Variants in CDHR1 observed in about 807,000 individuals in gnomAD.
CDHR1 encodes cadherin-related family member 1.
CDHR1 carries 61 observed loss-of-function variants against 72.1 expected under a neutral mutation model. The observed-to-expected ratio is 0.85, with a 90% CI of 0.69 to 1.05. The LOEUF is 1.05. CDHR1 is among the 50% of genes least tolerant of loss of function. The pLI, the probability that CDHR1 is intolerant of heterozygous loss-of-function variation, is 0.00. For missense variants in CDHR1, 1,186 were observed against 1,115.7 expected (o/e 1.06, Z -0.90); for synonymous variants, 470 against 448.1 (o/e 1.05, Z -0.62).
chr10:84,211,226 T>A (rs1222620659), intron 13 of CDHR1, 61 bp downstream of exon 13: 5 of 1,569,210 alleles, frequency 3.2e-6, no homozygotes, highest in Non-Finnish European at 3.5e-6. Flanking sequence ...GCCAGACAAA[T>A]CTGGAAGGTC....
At position 84,216,176 on chromosome 10, in the gene CDHR1, T is replaced by A; in HGVS notation, c.*1555T>A. The A allele has an allele frequency of 1.0e-6, 1 of 985,492 alleles. No individual in the cohort carries two copies. The highest frequency in any genetic ancestry group is 1.2e-6 in the Non-Finnish European group (1 of 829,942). 61.0% of individuals were successfully genotyped at this position (985,492 alleles called of 1,614,324 possible). ...TAGAACAGTTCTTTGCATTTGGCTC[T>A]ACTTACTAACAACCCCTCTAGAATA... On this transcript the variant is annotated 3_prime_UTR_variant, in exon 17 of 17. Coordinates refer to ENST00000623527, the MANE Select transcript of CDHR1 (RefSeq NM_033100.4).
chr10:84,201,925 C>A lies in CDHR1; in HGVS notation c.639+5C>A. ...TACATCACCGTGGTCGCCAAGGTAACACAGCAGGACAGGGGAGCATCCAGT... is the reference window on the plus strand; with the variant it reads ...TACATCACCGTGGTCGCCAAGGTAAAACAGCAGGACAGGGGAGCATCCAGT... On this transcript the variant is annotated splice_donor_5th_base_variant and intron_variant, in intron 7 of 16. Transcript: ENST00000623527. 6.3e-7 allele frequency: 1 copy of A among 1,594,962 alleles called. No individual in the cohort carries two copies. The highest frequency in any genetic ancestry group is 8.5e-7 in the Non-Finnish European group (1 of 1,172,616).
Position 84,215,232 on chromosome 10 carries a change from T to C in CDHR1, c.*611T>C. ...GCATTTGGAAAGATAGAGCATTCTG[T>C]CTGGGCAGAGACTGTGGACCCTGGT... is the stretch of plus-strand genomic sequence containing the variant. On this transcript the variant is annotated 3_prime_UTR_variant, in exon 17 of 17. Transcript: ENST00000623527. The C allele has an allele frequency of 1.0e-6, 1 of 993,252 alleles. No homozygotes were observed. Among genetic ancestry groups the C allele is most frequent in the Non-Finnish European group, 1.2e-6 (1 of 834,536 alleles). 61.5% of individuals were successfully genotyped at this position (993,252 alleles called of 1,614,324 possible).
chr10:84,211,766 G>A (rs886995209), intron 14 of CDHR1, 51 bp downstream of exon 14: 20 of 1,507,854 alleles, frequency 1.3e-5, no homozygotes, highest in Non-Finnish European at 1.7e-5. Flanking sequence ...GGATTGGAAG[G>A]CTGAGGGTGG....
chr10:84,199,237 C>T (rs979288325), intron 5 of CDHR1, 116 bp downstream of exon 5: 7 of 778,262 alleles, frequency 9.0e-6, no homozygotes, highest in Non-Finnish European at 1.6e-5. Flanking sequence ...TCTCTGTCAC[C>T]ACCTGCTCCC....
At position 84,199,081 on chromosome 10, in the gene CDHR1, C is replaced by G. The variant is rs1842078572; in HGVS notation, c.398C>G (p.Pro133Arg). The G allele has an allele frequency of 6.4e-7, 1 of 1,551,388 alleles. No homozygotes were observed. The highest frequency in any genetic ancestry group is 8.7e-7 in the Non-Finnish European group (1 of 1,147,014). ...GTGACCGATGCCAATGATGAGGCGC[C>G]CAGGTTCATCCAGGAGCCTTATGTT... ...ILVTDANDEA[P>R]RFIQEPYVAL... The change falls in exon 5 of 17, where the codon CCC (proline) becomes CGC (arginine). Residue 133 changes from proline (P) to arginine (R), a missense_variant. Coordinates refer to ENST00000623527, the MANE Select transcript of CDHR1 (RefSeq NM_033100.4).
At position 84,214,695 on chromosome 10, in the gene CDHR1, T is replaced by C. The variant is rs1842399978; in HGVS notation, c.*74T>C. The C allele has an allele frequency of 1.3e-6, 2 of 1,583,706 alleles. No individual in the cohort carries two copies. The highest frequency in any genetic ancestry group is 3.4e-5 in the Admixed American group (2 of 58,790). ...CCCTGCTGCTCGGACTATGCTCCCC[T>C]TCCTCTGCTCCTTAAGGTCACTGAC... On this transcript the variant is annotated 3_prime_UTR_variant, in exon 17 of 17. Coordinates refer to ENST00000623527, the MANE Select transcript of CDHR1 (RefSeq NM_033100.4).
At chr10:84,206,054 AGCACCT>A in intron 10 of CDHR1, 127 bp downstream of exon 10, 1 of 734,642 alleles carries the variant, frequency 1.4e-6, no homozygotes. Context: ...TGTTCTAAAG[AGCACCT>A]GCACCAGACA....
rs1266038629 is a variant in CDHR1, at chr10:84,217,001, C to T, written c.*2380C>T. 1 of 985,580 alleles carries T rather than the reference C, an allele frequency of 1.0e-6. No individual in the cohort carries two copies. Among genetic ancestry groups the T allele is most frequent in the Non-Finnish European group, 1.2e-6 (1 of 830,034 alleles). 61.1% of individuals were successfully genotyped at this position (985,580 alleles called of 1,614,324 possible). A position where few individuals can be genotyped will look rare whatever the true frequency, so the allele number is the denominator to read the frequency against. Reference sequence around the variant, plus strand: ...GTGGTCTCTTGGACAACCCCAGGAACTTGGACCAAGGCAGAGCCAATCTTG... The same window carrying T: ...GTGGTCTCTTGGACAACCCCAGGAATTTGGACCAAGGCAGAGCCAATCTTG... On this transcript the variant is annotated 3_prime_UTR_variant, in exon 17 of 17. Transcript: ENST00000623527.
chr10:84,206,711 C>T (rs554087718), intron 10 of CDHR1, among the ~76,000 whole-genome samples: 2 of 152,272 alleles, frequency 1.3e-5, no homozygotes, highest in Admixed American at 6.5e-5. Context: ...CATAGGAATT[C>T]AGTGTGTTTG....
In CDHR1 at chr10:84,217,776, T is replaced by C. The variant is rs879487331; in HGVS notation, c.*3155T>C. ...TTCATGCTAGAAAAAGAGAAGAGAG[T>C]GGATCCAGAGGGGAGTGGAGGACAG... On this transcript the variant is annotated 3_prime_UTR_variant, in exon 17 of 17. Transcript: ENST00000623527. 1.2e-4 allele frequency: 122 copies of C among 984,182 alleles called. No individual in the cohort carries two copies. The highest frequency in any genetic ancestry group is 1.4e-4 in the Non-Finnish European group (119 of 829,690). 61.0% of individuals were successfully genotyped at this position (984,182 alleles called of 1,614,324 possible).
In CDHR1 at chr10:84,216,462, C is replaced by T; in HGVS notation, c.*1841C>T. On this transcript the variant is annotated 3_prime_UTR_variant, in exon 17 of 17. Transcript: ENST00000623527. ...TTGCCCTCCACAGGGAATACAGCAT[C>T]CTTACAGCTTGCATGCAATCAACCT... 1 of 985,490 alleles carries T rather than the reference C, an allele frequency of 1.0e-6. No homozygotes were observed. The highest frequency in any genetic ancestry group is 4.7e-5 in the South Asian group (1 of 21,286). 61.0% of individuals were successfully genotyped at this position (985,490 alleles called of 1,614,324 possible).
At position 84,215,890 on chromosome 10, in the gene CDHR1, G is replaced by A. The variant is rs184429596; in HGVS notation, c.*1269G>A. The A allele has an allele frequency of 3.0e-3, 2,940 of 985,406 alleles. 8 individuals carry two copies. Among genetic ancestry groups the A allele is most frequent in the South Asian group, 0.014 (307 of 21,278 alleles). The allele number at this position is 985,406 out of a possible 1,614,324, so 61.0% of individuals were successfully genotyped here. The stretch of plus-strand genomic sequence containing the variant: ...CCCGCTACCGTCCTGGCCAGCTACC[G>A]TCAGAGAGAACCAGAGCTCCAAGTC... On this transcript the variant is annotated 3_prime_UTR_variant, in exon 17 of 17. Coordinates refer to ENST00000623527, the MANE Select transcript of CDHR1 (RefSeq NM_033100.4).
chr10:84,204,718 A>T (rs559556471), intron 9 of CDHR1, 113 bp downstream of exon 9: 2 of 761,220 alleles, frequency 2.6e-6, no homozygotes, highest in East Asian at 2.5e-5. Flanking sequence ...GGATTACAAG[A>T]TGTATGGAGA....
In CDHR1 at chr10:84,197,841, G is replaced by A; in HGVS notation, c.348+5G>A. On this transcript the variant is annotated splice_donor_5th_base_variant and intron_variant, in intron 4 of 16. Coordinates refer to ENST00000623527, the MANE Select transcript of CDHR1 (RefSeq NM_033100.4). Reference sequence around the variant, plus strand: ...ATTTCTGATGGCCTGAATCTGGTGAGTGCACGTCCAAGGCAGTCCCTGGCA... The same window carrying A: ...ATTTCTGATGGCCTGAATCTGGTGAATGCACGTCCAAGGCAGTCCCTGGCA... The A allele has an allele frequency of 6.2e-7, 1 of 1,613,390 alleles. No individual in the cohort carries two copies. Among genetic ancestry groups the A allele is most frequent in the Non-Finnish European group, 8.5e-7 (1 of 1,179,544 alleles).
intron 6 of CDHR1, 50 bp from the exon 7 acceptor site, chr10:84,201,757 G>GGGCT: frequency 1.4e-6 from 2 of 1,480,630 alleles, no homozygotes; most frequent in South Asian, 2.3e-5. Context: ...GGCATTCCTG[G>GGGCT]GGCTGGCCTG....
chr10:84,213,470 A>T, intron 16 of CDHR1, 122 bp downstream of exon 16: 1 of 1,324,692 alleles, frequency 7.5e-7, no homozygotes, highest in Non-Finnish European at 1.1e-6. Flanking sequence ...AACGTTATCA[A>T]AGGCAGCCTG....
rs1842443772 is a variant in CDHR1, at chr10:84,217,501, G to T, written c.*2880G>T. On this transcript the variant is annotated 3_prime_UTR_variant, in exon 17 of 17. Transcript: ENST00000623527. ...CATTAATTGTGACTTTGGGCAAGAG[G>T]TCAAGTCTCTCTGGGCCTCACTTTC... The T allele has an allele frequency of 2.0e-6, 2 of 977,250 alleles. No individual in the cohort carries two copies. Among genetic ancestry groups the T allele is most frequent in the Non-Finnish European group, 2.4e-6 (2 of 822,486 alleles). 60.5% of individuals were successfully genotyped at this position (977,250 alleles called of 1,614,324 possible). A position where few individuals can be genotyped will look rare whatever the true frequency, so the allele number is the denominator to read the frequency against.
At chr10:84,209,338 A>G (rs536865594) in intron 12 of CDHR1, among the ~76,000 whole-genome samples, 2 of 152,330 alleles carry the variant, frequency 1.3e-5, no homozygotes, top group South Asian at 4.1e-4. Context: ...TGTTAATAGG[A>G]AAAGTAAATA....
Sources: allele counts gnomAD v4.1 joint callset (sites outside exome capture counted in the v4.1 genomes callset), GRCh38; gene constraint gnomAD v4.1.1; transcripts MANE v1.5; gene names NCBI Gene and HGNC (gene_info 2026-07-23, HGNC 2026-07-21).